The following ZBBX variants were observed in gnomAD, a reference collection of about 807,000 sequenced individuals.
ZBBX encodes the protein zinc finger B-box domain-containing protein 1.
A neutral mutation model predicts 108.5 loss-of-function variants in ZBBX; 101 were observed. The observed-to-expected ratio is 0.93, with a 90% confidence interval of 0.79 to 1.10. The LOEUF (loss-of-function observed/expected upper bound fraction) is 1.10. Among genes scored for constraint, ZBBX ranks in the 50% least tolerant of loss-of-function variants. The probability of loss-of-function intolerance (pLI) is 0.00; values close to 1 mark genes in which losing one functional copy is unlikely to be tolerated. For missense variants in ZBBX, 1,009 were observed against 941.4 expected (o/e 1.07, Z -0.94); for synonymous variants, 356 against 323.4 (o/e 1.10, Z -1.08).
chr3:167,299,883 C>T (rs938288180), intron 17 of ZBBX, among the ~76,000 whole-genome samples: 1 of 152,170 alleles, frequency 6.6e-6, no homozygotes, highest in African/African-American at 2.4e-5. Context: ...ACTCAGTCTG[C>T]AAACTGTGAA....
At chr3:167,235,348 T>G (rs1023810401), downstream of ZBBX, among the ~76,000 whole-genome samples, 14 of 151,566 alleles carry the variant, frequency 9.2e-5, no homozygotes, top group African/African-American at 3.4e-4. Flanking sequence ...CTATAAAAAT[T>G]TGACTATGTA....
intron 9 of ZBBX, among the ~76,000 whole-genome samples, chr3:167,342,271 T>A (rs1291427226): frequency 6.6e-6 from 1 of 151,810 alleles, no homozygotes; most frequent in East Asian, 1.9e-4. Context: ...AGGTAGCACC[T>A]GCAAATTACA....
At position 167,338,902 on chromosome 3, in the gene ZBBX, A is replaced by C. The variant is rs537013990; in HGVS notation, c.529-4917T>G. ...GGAACTTGGAAGGCTTTATTTACAA[A>C]ATCATTTCAGGATGATCAAGTTATG... On this transcript the variant is annotated intron_variant, in intron 9 of 21. Transcript: ENST00000675490. 3.9e-5 allele frequency among the ~76,000 whole-genome samples: 6 copies of C among 152,260 alleles called. No homozygotes were observed. The South Asian group carries it at 1.2e-3, about 32-fold the overall frequency.
At chr3:167,345,442 T>C (rs1021820962) in intron 9 of ZBBX, among the ~76,000 whole-genome samples, 1 of 151,908 alleles carries the variant, frequency 6.6e-6, no homozygotes, top group African/African-American at 2.4e-5. Flanking sequence ...ATTGTTCACA[T>C]ACATTTAAAA....
intron 20 of ZBBX, among the ~76,000 whole-genome samples, chr3:167,245,828 T>A (rs1413934967): frequency 1.3e-5 from 2 of 152,300 alleles, no homozygotes; most frequent in Admixed American, 6.5e-5. Context: ...TCTTTTTTTT[T>A]TATAAGTTGT....
At chr3:167,367,968 G>GTATATATA (rs927024323) in intron 5 of ZBBX, among the ~76,000 whole-genome samples, 29 of 21,910 alleles carry the variant, frequency 1.3e-3, no homozygotes, top group East Asian at 4.7e-3. Flanking sequence ...TTATATATAT[G>GTATATATA]TATATATATA....
At chr3:167,356,347 G>T (rs973689381) in intron 8 of ZBBX, among the ~76,000 whole-genome samples, 13 of 151,924 alleles carry the variant, frequency 8.6e-5, no homozygotes, top group African/African-American at 2.9e-4. Context: ...AAGAGCGGGG[G>T]TTTTACATTT....
chr3:167,192,904 C>G, the ZBBX span, among the ~76,000 whole-genome samples: 2 of 152,144 alleles, frequency 1.3e-5, no homozygotes, highest in Non-Finnish European at 2.9e-5. Context: ...ACAGAGTTTA[C>G]TTTAAACTGC....
chr3:167,348,569 A>C (rs1742107688), intron 9 of ZBBX, among the ~76,000 whole-genome samples: 1 of 151,876 alleles, frequency 6.6e-6, no homozygotes, highest in African/African-American at 2.4e-5. Context: ...ATGTGTATCT[A>C]TATATATGTC....
chr3:167,358,935 C>CAAAAA (rs59753251), intron 8 of ZBBX, among the ~76,000 whole-genome samples: 2 of 66,230 alleles, frequency 3.0e-5, no homozygotes, highest in Non-Finnish European at 5.1e-5. Flanking sequence ...GACTCCATCT[C>CAAAAA]AAAAAAAAAA....
chr3:167,295,302 A>C (rs1321430065), intron 18 of ZBBX, among the ~76,000 whole-genome samples: 1 of 152,130 alleles, frequency 6.6e-6, no homozygotes, highest in Non-Finnish European at 1.5e-5. Context: ...AATGCCCATC[A>C]ATGATAGACT....
intron 16 of ZBBX, among the ~76,000 whole-genome samples, chr3:167,306,550 C>T (rs1277665961): frequency 6.6e-6 from 1 of 152,132 alleles, no homozygotes; most frequent in Admixed American, 6.6e-5. Flanking sequence ...CCTGGTTGCA[C>T]AGTAGAATCA....
intron 20 of ZBBX, among the ~76,000 whole-genome samples, chr3:167,264,558 T>C (rs1233302625): frequency 6.6e-6 from 1 of 152,240 alleles, no homozygotes; most frequent in Non-Finnish European, 1.5e-5. Context: ...TCTTTATGTC[T>C]TACTGTACTG....
chr3:167,242,737 G>T (rs188938428), intron 20 of ZBBX, 94 bp from the exon 21 acceptor site: 73 of 1,116,792 alleles, frequency 6.5e-5, no homozygotes, highest in Middle Eastern at 2.7e-4. Flanking sequence ...GTAAATTACA[G>T]GCAATACAAA....
At chr3:167,209,917 CCATCTCTACTAAAAAT>C in the ZBBX span, among the ~76,000 whole-genome samples, 1 of 152,002 alleles carries the variant, frequency 6.6e-6, no homozygotes, top group Admixed American at 6.6e-5. Context: ...TGGCGAAAAC[CCATCTCTACTAAAAAT>C]ACAAAAATCA....
chr3:167,282,959 TTTA>T (rs1457825212), intron 19 of ZBBX, among the ~76,000 whole-genome samples: 1 of 152,216 alleles, frequency 6.6e-6, no homozygotes, highest in Non-Finnish European at 1.5e-5. Context: ...TGATATGTAA[TTTA>T]TTCTTACATT....
chr3:167,207,347 A>G, the ZBBX span, among the ~76,000 whole-genome samples: 48,608 of 152,024 alleles, frequency 0.32, 8,205 homozygotes, highest in East Asian at 0.65. Flanking sequence ...AATTAATAAT[A>G]ACTCACAGAT....
intron 20 of ZBBX, 80 bp from the exon 21 acceptor site, chr3:167,242,723 C>T: frequency 7.9e-7 from 1 of 1,268,178 alleles, no homozygotes; most frequent in East Asian, 2.7e-5. Flanking sequence ...AATGTTTACC[C>T]AGAGTAAATT....
chr3:167,344,262 A>G (rs1194903952), intron 9 of ZBBX, among the ~76,000 whole-genome samples: 1 of 151,812 alleles, frequency 6.6e-6, no homozygotes, highest in Non-Finnish European at 1.5e-5. Flanking sequence ...TTTTGAGGTG[A>G]CAAAAATGTT....
Sources: allele counts gnomAD v4.1 joint callset (sites outside exome capture counted in the v4.1 genomes callset), GRCh38; gene constraint gnomAD v4.1.1; transcripts MANE v1.5; gene names NCBI Gene and HGNC (gene_info 2026-07-23, HGNC 2026-07-21).